Variants in CRB1 observed in about 807,000 individuals in gnomAD.
CRB1 encodes the protein crumbs cell polarity complex component 1.
A neutral mutation model predicts 120.0 loss-of-function variants in CRB1; 83 were observed. That is an observed-to-expected ratio of 0.69 (90% CI 0.58 to 0.83). The LOEUF is 0.83. Among genes scored for constraint, CRB1 ranks in the 40% least tolerant of loss-of-function variants. The probability of loss-of-function intolerance (pLI) is 0.00; values close to 1 mark genes in which losing one functional copy is unlikely to be tolerated. For missense variants in CRB1, 1,699 were observed against 1,687.6 expected (o/e 1.01, Z -0.12); for synonymous variants, 625 against 612.5 (o/e 1.02, Z -0.30).
At chr1:197,247,309 T>C in the CRB1 span, among the ~76,000 whole-genome samples, 3 of 152,062 alleles carry the variant, frequency 2.0e-5, no homozygotes, top group African/African-American at 7.2e-5. Flanking sequence ...TTTTTGTATG[T>C]TTGTAACTTC....
intron 5 of CRB1, among the ~76,000 whole-genome samples, chr1:197,373,820 G>A (rs1661502756): frequency 1.3e-5 from 2 of 152,132 alleles, no homozygotes; most frequent in Non-Finnish European, 2.9e-5. Flanking sequence ...ATTGCTAGGT[G>A]GCCTTTATGA....
intron 5 of CRB1, among the ~76,000 whole-genome samples, chr1:197,361,832 C>T (rs1030852840): frequency 6.6e-6 from 1 of 151,282 alleles, no homozygotes; most frequent in African/African-American, 2.4e-5. Context: ...TTATTGATTT[C>T]TGTTCTTTTT....
chr1:197,353,814 TAAAA>T (rs57274486), intron 4 of CRB1, among the ~76,000 whole-genome samples: 54 of 89,424 alleles, frequency 6.0e-4, no homozygotes, highest in African/African-American at 2.5e-3. Context: ...AATATATAAA[TAAAA>T]AAAAAAAAAA....
chr1:197,289,131 A>C (rs1310741246), intron 1 of CRB1, among the ~76,000 whole-genome samples: 1 of 151,810 alleles, frequency 6.6e-6, no homozygotes, highest in Non-Finnish European at 1.5e-5. Context: ...CAAAAAAACA[A>C]AAGCAAAACA....
chr1:197,240,779 G>C, the CRB1 span, among the ~76,000 whole-genome samples: 1 of 152,166 alleles, frequency 6.6e-6, no homozygotes, highest in Non-Finnish European at 1.5e-5. Context: ...TGATCCTTGA[G>C]GAATCACCAC....
the CRB1 span, among the ~76,000 whole-genome samples, chr1:197,247,066 A>G: frequency 8.6e-3 from 1,303 of 151,982 alleles, 18 homozygotes; most frequent in African/African-American, 0.03. Flanking sequence ...TTAAAAAGGT[A>G]TATATACAGT....
the CRB1 span, among the ~76,000 whole-genome samples, chr1:197,201,934 G>C: frequency 0.015 from 2,274 of 152,220 alleles, 57 homozygotes; most frequent in African/African-American, 0.052. Flanking sequence ...AAAGGAAGCC[G>C]AAACAAAAAG....
chr1:197,370,426 G>T (rs1661312114), intron 5 of CRB1, among the ~76,000 whole-genome samples: 3 of 152,062 alleles, frequency 2.0e-5, no homozygotes, highest in African/African-American at 7.2e-5. Flanking sequence ...CATATGATAG[G>T]CCACAAAACA....
chr1:197,396,023 T>C (rs1662752078), intron 5 of CRB1, among the ~76,000 whole-genome samples: 1 of 152,082 alleles, frequency 6.6e-6, no homozygotes, highest in Admixed American at 6.6e-5. Flanking sequence ...GAAATAGCAG[T>C]TACATATATT....
chr1:197,222,874 T>C, the CRB1 span: 2 of 1,423,418 alleles, frequency 1.4e-6, no homozygotes, highest in Non-Finnish European at 2.0e-6. Context: ...TTGGATGAAA[T>C]TGGGAAGCAT....
the CRB1 span, among the ~76,000 whole-genome samples, chr1:197,255,801 A>G: frequency 6.6e-6 from 1 of 151,700 alleles, no homozygotes; most frequent in Non-Finnish European, 1.5e-5. Flanking sequence ...AGTATCTAGC[A>G]CTGATGTGGA....
rs936924846 is a variant in CRB1, at chr1:197,360,677, A to G, written c.1171+3664A>G. On this transcript the variant is annotated intron_variant, in intron 5 of 11. Coordinates refer to ENST00000367400, the MANE Select transcript of CRB1 (RefSeq NM_201253.3). ...ATTGTGTATAGTGAGACTTTGTTTAACTCACCTATGAGATCTAGGAATTTT... is the reference window on the plus strand; with the variant it reads ...ATTGTGTATAGTGAGACTTTGTTTAGCTCACCTATGAGATCTAGGAATTTT... Among the ~76,000 whole-genome samples, 10 of 152,150 alleles carry G rather than the reference A, an allele frequency of 6.6e-5. 1 individual carries two copies. The highest frequency in any genetic ancestry group is 1.3e-4 in the Non-Finnish European group (9 of 68,016).
the CRB1 span, among the ~76,000 whole-genome samples, chr1:197,238,070 CT>C: frequency 6.9e-3 from 1,047 of 152,140 alleles, 11 homozygotes; most frequent in African/African-American, 0.023. Context: ...GTTTAATGTG[CT>C]TTTAAAAATT....
In CRB1 at chr1:197,328,565, G is replaced by C. The variant is rs1222749407; in HGVS notation, c.214G>C (p.Asp72His). ...GGACAAAGACTGTGACAACATGAAA[G>C]ACCCTTGCTTCTCCAATCCCTGTCA... The part of the protein sequence containing the change: ...NLDKDCDNMK[D>H]PCFSNPCQGS... Residue 72 changes from aspartate to histidine, a missense_variant, in exon 2 of 12, where the codon GAC (aspartate) becomes CAC (histidine). Asp to His is a moderately conservative substitution (Grantham distance 81). Transcript: ENST00000367400. The C allele has an allele frequency of 6.2e-7, 1 of 1,614,196 alleles. No homozygotes were observed. Among genetic ancestry groups the C allele is most frequent in the Non-Finnish European group, 8.5e-7 (1 of 1,180,020 alleles).
At chr1:197,454,417 C>T (rs1303087066) in intron 11 of CRB1, among the ~76,000 whole-genome samples, 1 of 152,102 alleles carries the variant, frequency 6.6e-6, no homozygotes, top group Non-Finnish European at 1.5e-5. Context: ...TTCCTTTCAT[C>T]TTTTCATACA....
intron 1 of CRB1, among the ~76,000 whole-genome samples, chr1:197,312,810 A>AG (rs1657617649): frequency 6.6e-6 from 1 of 152,034 alleles, no homozygotes; most frequent in African/African-American, 2.4e-5. Flanking sequence ...TATCCAGTTA[A>AG]ATTTTTTTAC....
chr1:197,451,968 G>T (rs556199816), intron 11 of CRB1, among the ~76,000 whole-genome samples: 1 of 152,130 alleles, frequency 6.6e-6, no homozygotes, highest in East Asian at 1.9e-4. Flanking sequence ...AATTTAATAC[G>T]GTTAAACTGA....
intron 1 of CRB1, among the ~76,000 whole-genome samples, chr1:197,318,392 G>A (rs1379725207): frequency 6.6e-6 from 1 of 152,134 alleles, no homozygotes; most frequent in East Asian, 1.9e-4. Context: ...ACACTCTGCT[G>A]GTGGGAATAT....
the CRB1 span, among the ~76,000 whole-genome samples, chr1:197,236,881 C>A: frequency 6.6e-6 from 1 of 152,016 alleles, no homozygotes; most frequent in Non-Finnish European, 1.5e-5. Context: ...GTATATAATT[C>A]TCTTTAAGCT....
Sources: gnomAD v4.1 joint callset for allele counts (sites outside exome capture counted in the v4.1 genomes callset) on GRCh38, gnomAD v4.1.1 for gene constraint, MANE v1.5 for transcripts, NCBI Gene and HGNC (gene_info 2026-07-23, HGNC 2026-07-21) for gene names.